PPP2R5E: variants seen among roughly 807,000 people sequenced by gnomAD.
PPP2R5E encodes the protein serine/threonine-protein phosphatase 2A 56 kDa regulatory subunit epsilon isoform.
Under a neutral mutation model 65.3 loss-of-function variants are expected in PPP2R5E, and 4 were observed. The ratio of observed to expected loss-of-function variants is 0.06; its 90% CI spans 0.03 to 0.14. The LOEUF (loss-of-function observed/expected upper bound fraction) is 0.14, where lower values mean the gene tolerates loss of function less well. PPP2R5E is among the 10% of genes least tolerant of loss of function. The pLI is 1.00. For missense variants in PPP2R5E, 274 were observed against 556.1 expected, an observed-to-expected ratio of 0.49 and a Z score of 5.10; for synonymous variants, 183 against 187.4, an observed-to-expected ratio of 0.98 and a Z score of 0.19.
intron 13 of PPP2R5E, among the ~76,000 whole-genome samples, chr14:63,376,593 A>G (rs897320072): frequency 1.3e-5 from 2 of 152,210 alleles, no homozygotes; most frequent in Admixed American, 1.3e-4. Context: ...TATCAATTTC[A>G]CTGATTTTAA....
intron 3 of PPP2R5E, among the ~76,000 whole-genome samples, chr14:63,430,964 T>C (rs1192660561): frequency 6.6e-6 from 1 of 152,150 alleles, no homozygotes; most frequent in Non-Finnish European, 1.5e-5. Flanking sequence ...TCAAATCTGT[T>C]ATTATAGTAT....
At chr14:63,509,267 CTTTTTTTTTTTTT>C (rs10553696) in intron 2 of PPP2R5E, among the ~76,000 whole-genome samples, 24 of 108,068 alleles carry the variant, frequency 2.2e-4, no homozygotes, top group African/African-American at 7.7e-4. Context: ...TTAAAATATC[CTTTTTTTTTTTTT>C]TTTTTTTTTT....
chr14:63,437,482 A>G (rs1242041543), intron 3 of PPP2R5E, among the ~76,000 whole-genome samples: 3 of 152,196 alleles, frequency 2.0e-5, no homozygotes, highest in Admixed American at 2.0e-4. Context: ...AATAGGATAT[A>G]ACACATTTTG....
intron 12 of PPP2R5E, among the ~76,000 whole-genome samples, chr14:63,382,573 G>T (rs1884430215): frequency 6.6e-6 from 1 of 151,686 alleles, no homozygotes; most frequent in Admixed American, 6.6e-5. Context: ...GGCTAATTTT[G>T]TATTTTTAGT....
At chr14:63,422,994 T>C (rs998951343) in intron 3 of PPP2R5E, among the ~76,000 whole-genome samples, 73 of 152,216 alleles carry the variant, frequency 4.8e-4, no homozygotes, top group African/African-American at 1.7e-3. Flanking sequence ...AATTAAACAA[T>C]GGTTGTTCAA....
At chr14:63,538,334 C>T (rs541707311) in intron 2 of PPP2R5E, among the ~76,000 whole-genome samples, 34 of 151,376 alleles carry the variant, frequency 2.2e-4, no homozygotes, top group Middle Eastern at 3.4e-3. Context: ...GATCTGGGCT[C>T]ACTTCAACCT....
chr14:63,458,332 C>T lies in PPP2R5E; in HGVS notation c.158-4447G>A, dbSNP rs116430067. Among the ~76,000 whole-genome samples, 424 of 152,308 alleles carry T rather than the reference C, an allele frequency of 2.8e-3. 1 individual carries two copies. Among genetic ancestry groups the T allele is most frequent in the African/African-American group, 9.9e-3 (411 of 41,562 alleles). On this transcript the variant is annotated intron_variant, in intron 2 of 13. Transcript: ENST00000337537. Reference sequence around the variant, plus strand: ...ACTAGTCCACTTCCATCATTCCACCCTATCTAATGTTTGGGGCACATAATC... The same window carrying T: ...ACTAGTCCACTTCCATCATTCCACCTTATCTAATGTTTGGGGCACATAATC...
chr14:63,446,722 G>A (rs552118201), intron 3 of PPP2R5E, among the ~76,000 whole-genome samples: 12 of 151,654 alleles, frequency 7.9e-5, no homozygotes, highest in African/African-American at 2.4e-4. Flanking sequence ...TCAGCTACTC[G>A]GGAGGCTGAG....
In PPP2R5E at chr14:63,453,595, T is replaced by G. The variant is rs765553236; in HGVS notation, c.354+94A>C. ...CAAAGGTTGGCTCTCATTTGTGGAGTTGACCTCCAATGACCTCACTCTTGC... is the reference window on the plus strand; with the variant it reads ...CAAAGGTTGGCTCTCATTTGTGGAGGTGACCTCCAATGACCTCACTCTTGC... On this transcript the variant is annotated intron_variant, in intron 3 of 13. Transcript: ENST00000337537. 9 of 1,221,774 alleles carry G rather than the reference T, an allele frequency of 7.4e-6. No individual in the cohort carries two copies. The East Asian group carries it at 2.1e-4, about 29-fold the overall frequency. The allele number at this position is 1,221,774 out of a possible 1,614,324, so 75.7% of individuals were successfully genotyped here. A position where few individuals can be genotyped will look rare whatever the true frequency, so the allele number is the denominator to read the frequency against.
chr14:63,457,388 A>G (rs536354673), intron 2 of PPP2R5E, among the ~76,000 whole-genome samples: 44 of 152,214 alleles, frequency 2.9e-4, no homozygotes, highest in Non-Finnish European at 5.1e-4. Context: ...AAACAAAAAC[A>G]TATCATAAAG....
chr14:63,402,142 C>T (rs1566676851), intron 5 of PPP2R5E, among the ~76,000 whole-genome samples: 1 of 152,144 alleles, frequency 6.6e-6, no homozygotes, highest in South Asian at 2.1e-4. Flanking sequence ...GACATATTTG[C>T]CAGCTTTCTT....
intron 2 of PPP2R5E, among the ~76,000 whole-genome samples, chr14:63,478,260 T>A (rs1890507202): frequency 6.6e-6 from 1 of 152,086 alleles, no homozygotes; most frequent in Non-Finnish European, 1.5e-5. Flanking sequence ...AACCCAGAGG[T>A]CTCAGTGAAA....
intron 2 of PPP2R5E, among the ~76,000 whole-genome samples, chr14:63,525,781 CCTT>C (rs1893162646): frequency 6.6e-6 from 1 of 152,176 alleles, no homozygotes; most frequent in African/African-American, 2.4e-5. Context: ...GATTTTGTTT[CCTT>C]AAGGTGCAAT....
intron 2 of PPP2R5E, among the ~76,000 whole-genome samples, chr14:63,487,859 T>C (rs1891070083): frequency 6.6e-6 from 1 of 152,168 alleles, no homozygotes; most frequent in African/African-American, 2.4e-5. Flanking sequence ...CCAAATATTC[T>C]TTTCTCAGGT....
intron 13 of PPP2R5E, among the ~76,000 whole-genome samples, chr14:63,378,988 C>T (rs767349607): frequency 6.6e-6 from 1 of 152,010 alleles, no homozygotes; most frequent in Non-Finnish European, 1.5e-5. Context: ...CCTTCTATTG[C>T]TCATTTGACA....
At chr14:63,458,986 C>T (rs1319276548) in intron 2 of PPP2R5E, among the ~76,000 whole-genome samples, 1 of 152,062 alleles carries the variant, frequency 6.6e-6, no homozygotes, top group Non-Finnish European at 1.5e-5. Context: ...GCCTCTGATC[C>T]CACAGAACTT....
intron 2 of PPP2R5E, among the ~76,000 whole-genome samples, chr14:63,476,491 G>A (rs1039116417): frequency 1.3e-5 from 2 of 151,994 alleles, no homozygotes; most frequent in Admixed American, 6.6e-5. Context: ...TCCTCCTTCC[G>A]CTAAAGTTTA....
chr14:63,433,810 C>A (rs746303627), intron 3 of PPP2R5E, among the ~76,000 whole-genome samples: 5 of 152,192 alleles, frequency 3.3e-5, no homozygotes, highest in Non-Finnish European at 5.9e-5. Flanking sequence ...CGCCCCCATG[C>A]ACCCTTCCTT....
intron 2 of PPP2R5E, among the ~76,000 whole-genome samples, chr14:63,465,997 C>A (rs555596519): frequency 6.6e-6 from 1 of 151,826 alleles, no homozygotes; most frequent in Admixed American, 6.6e-5. Flanking sequence ...TTCAATTGAC[C>A]CTCCCTCCCC....
Sources: gnomAD v4.1 joint callset for allele counts (sites outside exome capture counted in the v4.1 genomes callset) on GRCh38, gnomAD v4.1.1 for gene constraint, MANE v1.5 for transcripts, NCBI Gene and HGNC (gene_info 2026-07-23, HGNC 2026-07-21) for gene names.